Variants in RGS6 observed in about 807,000 individuals in gnomAD.
RGS6 encodes the protein regulator of G protein signaling 6.
A neutral mutation model predicts 78.5 loss-of-function variants in RGS6; 30 were observed. The observed-to-expected ratio is 0.38, with a 90% CI of 0.29 to 0.52. RGS6 has a LOEUF of 0.52. Ranked by LOEUF, RGS6 falls within the 20% of genes least tolerant of loss-of-function variation. The pLI is 0.85. For synonymous variants in RGS6, 206 were observed against 206.0 expected (o/e 1.00, Z 0.00); for missense variants, 495 against 609.7 (o/e 0.81, Z 1.98).
intron 2 of RGS6, among the ~76,000 whole-genome samples, chr14:72,351,849 C>A (rs115264187): frequency 6.6e-6 from 1 of 152,134 alleles, no homozygotes; most frequent in Non-Finnish European, 1.5e-5. Flanking sequence ...TTCCTCCATA[C>A]CTTGTTGAAC....
At chr14:72,386,115 G>A (rs2087895102) in intron 3 of RGS6, among the ~76,000 whole-genome samples, 1 of 152,222 alleles carries the variant, frequency 6.6e-6, no homozygotes, top group East Asian at 1.9e-4. Context: ...CAGTGTCATG[G>A]GCAGCAAAGG....
intron 1 of RGS6, among the ~76,000 whole-genome samples, chr14:71,949,754 A>C (rs1293978534): frequency 1.4e-5 from 2 of 139,172 alleles, no homozygotes; most frequent in African/African-American, 2.6e-5. Context: ...CTATGAAGCT[A>C]CTCTGTTTTA....
the RGS6 span, among the ~76,000 whole-genome samples, chr14:72,596,721 C>G: frequency 6.6e-6 from 1 of 152,218 alleles, no homozygotes; most frequent in Non-Finnish European, 1.5e-5. Flanking sequence ...TACTACATGC[C>G]AAACACTCTG....
At chr14:72,540,353 A>T (rs2097308155) in intron 17 of RGS6, 1 of 1,455,774 alleles carries the variant, frequency 6.9e-7, no homozygotes, top group South Asian at 1.5e-5. Context: ...TGGGCATTTG[A>T]TCATCTGTTC....
At chr14:72,588,442 G>T in the RGS6 span, among the ~76,000 whole-genome samples, 34 of 152,286 alleles carry the variant, frequency 2.2e-4, no homozygotes, top group African/African-American at 7.2e-4. Context: ...CCCTTTGCAG[G>T]AATTAGATGT....
intron 3 of RGS6, among the ~76,000 whole-genome samples, chr14:72,440,548 G>A (rs1186984859): frequency 6.6e-6 from 1 of 151,822 alleles, no homozygotes; most frequent in African/African-American, 2.4e-5. Context: ...ATGTAGCTGG[G>A]ATTACAGGTA....
intron 2 of RGS6, among the ~76,000 whole-genome samples, chr14:72,130,943 C>G (rs2096300962): frequency 6.6e-6 from 1 of 152,156 alleles, no homozygotes; most frequent in South Asian, 2.1e-4. Flanking sequence ...CACTGTTTCC[C>G]CTTGTGACTC....
chr14:72,311,021 T>C (rs2068486709), intron 2 of RGS6, among the ~76,000 whole-genome samples: 1 of 152,350 alleles, frequency 6.6e-6, no homozygotes, highest in African/African-American at 2.4e-5. Flanking sequence ...CTGGCAACCT[T>C]GTTCTTAGAA....
At chr14:72,250,116 G>A (rs1195302316) in intron 2 of RGS6, among the ~76,000 whole-genome samples, 7 of 149,550 alleles carry the variant, frequency 4.7e-5, no homozygotes, top group Non-Finnish European at 1.0e-4. Flanking sequence ...GGGAGGGATA[G>A]CACTGGGAGA....
At chr14:72,488,814 G>T (rs2096534160) in intron 12 of RGS6, among the ~76,000 whole-genome samples, 1 of 152,154 alleles carries the variant, frequency 6.6e-6, no homozygotes, top group Non-Finnish European at 1.5e-5. Flanking sequence ...ACCTGACCTG[G>T]CTGGTTGGAC....
At chr14:71,989,809 G>C (rs1157659369) in intron 2 of RGS6, among the ~76,000 whole-genome samples, 1 of 152,180 alleles carries the variant, frequency 6.6e-6, no homozygotes, top group African/African-American at 2.4e-5. Context: ...TCACGTTGTA[G>C]ATGGTTTTTT....
At position 72,295,323 on chromosome 14, in the gene RGS6, TA is replaced by T. The variant is rs1484311276; in HGVS notation, c.85-56768del. Among the ~76,000 whole-genome samples, 5 of 149,138 alleles carry T rather than the reference TA, an allele frequency of 3.4e-5. No homozygotes were observed. In the East Asian group the frequency reaches 9.8e-4, roughly 29 times the overall value. The stretch of plus-strand genomic sequence containing the variant: ...AAAAAAAAAGAACCCTTTGTTCAAA[TA>T]AAATCTTATCTAGAACTCCAGTATA... On this transcript the variant is annotated intron_variant, in intron 2 of 17. Coordinates refer to ENST00000553525, the MANE Select transcript of RGS6 (RefSeq NM_001204424.2).
intron 12 of RGS6, among the ~76,000 whole-genome samples, chr14:72,490,085 G>T (rs1029842687): frequency 1.3e-5 from 2 of 152,136 alleles, no homozygotes; most frequent in African/African-American, 2.4e-5. Context: ...GATATGGTTT[G>T]CCTGTGTCCC....
chr14:72,340,259 G>C (rs1442626753), intron 2 of RGS6, among the ~76,000 whole-genome samples: 2 of 152,164 alleles, frequency 1.3e-5, no homozygotes, highest in African/African-American at 4.8e-5. Context: ...GCTCACTGGA[G>C]CAGTCTGGGA....
chr14:72,352,021 G>T (rs1338731909), intron 2 of RGS6, 74 bp from the exon 3 acceptor site: 8 of 1,054,002 alleles, frequency 7.6e-6, no homozygotes, highest in Non-Finnish European at 1.1e-5. Flanking sequence ...TATACATTTG[G>T]GCTGTTTAAA....
At chr14:72,282,822 G>A (rs574280153) in intron 2 of RGS6, among the ~76,000 whole-genome samples, 48 of 152,158 alleles carry the variant, frequency 3.2e-4, no homozygotes, top group African/African-American at 7.7e-4. Context: ...TTTTTTAAGC[G>A]CACAATACAG....
rs113320748 is a variant in RGS6, at chr14:72,013,252, C to T, written c.84+48377C>T. Among the ~76,000 whole-genome samples the T allele has an allele frequency of 4.4e-3, 461 of 105,620 alleles. 3 individuals are homozygous for T. Among genetic ancestry groups the T allele is most frequent in the African/African-American group, 0.016 (397 of 25,508 alleles). The allele number at this position is 105,620 out of a possible 152,430, so 69.3% of individuals were successfully genotyped here. A position where few individuals can be genotyped will look rare whatever the true frequency, so the allele number is the denominator to read the frequency against. On this transcript the variant is annotated intron_variant, in intron 2 of 17. Coordinates refer to ENST00000553525, the MANE Select transcript of RGS6 (RefSeq NM_001204424.2). ...CGCCACTGCACTCCAGCCTAGGTGA[C>T]AGAACAAGACTCCGTCTCCAAAAAA...
At chr14:72,265,928 A>G (rs1372754882) in intron 2 of RGS6, among the ~76,000 whole-genome samples, 3 of 30,578 alleles carry the variant, frequency 9.8e-5, no homozygotes, top group African/African-American at 4.1e-4. Context: ...TATCAGTCCT[A>G]TCGCTTTTTT....
At chr14:72,249,035 G>C (rs951395288) in intron 2 of RGS6, among the ~76,000 whole-genome samples, 35 of 152,114 alleles carry the variant, frequency 2.3e-4, no homozygotes, top group African/African-American at 8.2e-4. Context: ...CACTCTTCAA[G>C]AATTTTTAGC....
Sources: allele counts gnomAD v4.1 joint callset (sites outside exome capture counted in the v4.1 genomes callset), GRCh38; gene constraint gnomAD v4.1.1; transcripts MANE v1.5; gene names NCBI Gene and HGNC (gene_info 2026-07-23, HGNC 2026-07-21).